The following CCBE1 variants were observed in gnomAD, a reference collection of about 807,000 sequenced individuals.
CCBE1 encodes collagen and calcium binding EGF domains 1.
Under a neutral mutation model 50.0 loss-of-function variants are expected in CCBE1, and 37 were observed. That is an observed-to-expected ratio of 0.74 (90% CI 0.57 to 0.97). The LOEUF is 0.97. Ranked by LOEUF, CCBE1 falls within the 50% of genes least tolerant of loss-of-function variation. The pLI is 0.00. For synonymous variants in CCBE1, 234 were observed against 203.7 expected, an observed-to-expected ratio of 1.15 and a Z score of -1.27; for missense variants, 538 against 523.8, an observed-to-expected ratio of 1.03 and a Z score of -0.26.
At chr18:59,491,740 G>A (rs1913106538) in intron 2 of CCBE1, among the ~76,000 whole-genome samples, 1 of 151,850 alleles carries the variant, frequency 6.6e-6, no homozygotes, top group Non-Finnish European at 1.5e-5. Flanking sequence ...CTTGAGCCCA[G>A]TAGGTGGAGA....
intron 9 of CCBE1, 27 bp downstream of exon 9, chr18:59,439,516 C>T: frequency 6.2e-7 from 1 of 1,613,984 alleles, no homozygotes; most frequent in South Asian, 1.1e-5. Context: ...AGACCTTTAG[C>T]TTGTGAGGAC....
chr18:59,639,841 G>T (rs2053962363), intron 2 of CCBE1, among the ~76,000 whole-genome samples: 2 of 152,122 alleles, frequency 1.3e-5, no homozygotes, highest in African/African-American at 4.8e-5. Flanking sequence ...GTTCCTATAT[G>T]CTAACAACAT....
chr18:59,620,616 G>A (rs953188417), intron 2 of CCBE1, among the ~76,000 whole-genome samples: 2 of 152,096 alleles, frequency 1.3e-5, no homozygotes, highest in Non-Finnish European at 2.9e-5. Flanking sequence ...ATTGAATCAC[G>A]GGGGCAAGTC....
intron 7 of CCBE1, among the ~76,000 whole-genome samples, chr18:59,440,589 A>T (rs1183714146): frequency 6.6e-6 from 1 of 152,054 alleles, no homozygotes; most frequent in East Asian, 1.9e-4. Context: ...TTCTGGTGCA[A>T]ATGTCTCAAG....
intron 10 of CCBE1, among the ~76,000 whole-genome samples, chr18:59,436,485 G>A (rs374129660): frequency 6.6e-6 from 1 of 152,148 alleles, no homozygotes; most frequent in Admixed American, 6.5e-5. Flanking sequence ...AGAGACTGGG[G>A]TTCTGTTGGA....
intron 2 of CCBE1, among the ~76,000 whole-genome samples, chr18:59,497,845 G>C (rs547049199): frequency 2.0e-5 from 3 of 152,190 alleles, no homozygotes; most frequent in African/African-American, 7.2e-5. Flanking sequence ...AAAAGACAGA[G>C]AGGGGTATCT....
chr18:59,592,235 G>GA (rs559449290), intron 2 of CCBE1, among the ~76,000 whole-genome samples: 24 of 152,042 alleles, frequency 1.6e-4, no homozygotes, highest in African/African-American at 4.8e-4. Context: ...TCTGCGTCTC[G>GA]AAAAAACAAA....
At chr18:59,540,922 C>T (rs1191467434) in intron 2 of CCBE1, among the ~76,000 whole-genome samples, 1 of 152,158 alleles carries the variant, frequency 6.6e-6, no homozygotes, top group Non-Finnish European at 1.5e-5. Context: ...CCAGCCAGTG[C>T]TTTAGAAGAA....
At chr18:59,596,317 A>C (rs1260128811) in intron 2 of CCBE1, among the ~76,000 whole-genome samples, 1 of 152,200 alleles carries the variant, frequency 6.6e-6, no homozygotes, top group Non-Finnish European at 1.5e-5. Flanking sequence ...ACAGCACACA[A>C]TGGCAGAAGT....
chr18:59,459,541 AT>A (rs1911360589), intron 5 of CCBE1, among the ~76,000 whole-genome samples: 1 of 152,148 alleles, frequency 6.6e-6, no homozygotes. Context: ...GTGCAATATT[AT>A]TGATTAGCCA....
chr18:59,674,063 G>T (rs1371005277), intron 2 of CCBE1, among the ~76,000 whole-genome samples: 1 of 152,086 alleles, frequency 6.6e-6, no homozygotes, highest in South Asian at 2.1e-4. Context: ...CTATGAATCC[G>T]TCTGGTCCCA....
intron 7 of CCBE1, among the ~76,000 whole-genome samples, chr18:59,446,306 C>G (rs1488999643): frequency 1.3e-5 from 2 of 152,196 alleles, no homozygotes; most frequent in Non-Finnish European, 2.9e-5. Context: ...TTCTAGTGAT[C>G]TATAGCCTGG....
intron 2 of CCBE1, among the ~76,000 whole-genome samples, chr18:59,516,922 C>T (rs931346284): frequency 9.2e-5 from 14 of 152,216 alleles, no homozygotes; most frequent in African/African-American, 3.4e-4. Context: ...CACCGGGTAA[C>T]CTTTCTTATC....
intron 6 of CCBE1, among the ~76,000 whole-genome samples, chr18:59,451,765 T>G (rs1389194177): frequency 6.6e-6 from 1 of 152,204 alleles, no homozygotes; most frequent in Non-Finnish European, 1.5e-5. Flanking sequence ...CACATTTACC[T>G]GTGTAACAAA....
At chr18:59,528,961 C>A (rs1031718695) in intron 2 of CCBE1, among the ~76,000 whole-genome samples, 6 of 152,178 alleles carry the variant, frequency 3.9e-5, no homozygotes, top group African/African-American at 1.4e-4. Flanking sequence ...GATCAGGGAC[C>A]TGCTTAACGA....
At chr18:59,456,190 C>T (rs769493887) in intron 5 of CCBE1, among the ~76,000 whole-genome samples, 3 of 152,182 alleles carry the variant, frequency 2.0e-5, no homozygotes, top group Non-Finnish European at 4.4e-5. Flanking sequence ...TCTCTTAGGG[C>T]GCATGCCACC....
chr18:59,455,864 G>T (rs1598914778), intron 5 of CCBE1, among the ~76,000 whole-genome samples: 1 of 152,204 alleles, frequency 6.6e-6, no homozygotes, highest in African/African-American at 2.4e-5. Flanking sequence ...AACTCTCTTC[G>T]CTTAGCAGCC....
chr18:59,696,851 A>C, intron 1 of CCBE1, 142 bp from the exon 2 acceptor site: 1 of 929,542 alleles, frequency 1.1e-6, no homozygotes, highest in Non-Finnish European at 1.7e-6. Flanking sequence ...CCAAACGCGT[A>C]CGCGGGGCAG....
At chr18:59,473,882 C>G (rs1271536912) in intron 3 of CCBE1, among the ~76,000 whole-genome samples, 1 of 110,078 alleles carries the variant, frequency 9.1e-6, no homozygotes, top group African/African-American at 3.5e-5. Context: ...TCCAACCCTC[C>G]CACTATTTCC....
Sources: gnomAD v4.1 joint callset for allele counts (sites outside exome capture counted in the v4.1 genomes callset) on GRCh38, gnomAD v4.1.1 for gene constraint, MANE v1.5 for transcripts, NCBI Gene and HGNC (gene_info 2026-07-23, HGNC 2026-07-21) for gene names.